Variants in MSL3 observed in about 807,000 individuals in gnomAD.
MSL3 encodes the protein MSL complex subunit 3.
Under a neutral mutation model 37.2 loss-of-function variants are expected in MSL3, and 5 were observed. The observed-to-expected ratio is 0.13, with a 90% confidence interval of 0.07 to 0.28. MSL3 has a LOEUF of 0.28. MSL3 is among the 10% of genes least tolerant of loss of function. The pLI is 1.00. For missense variants in MSL3, 315 were observed against 408.5 expected (o/e 0.77, Z 1.97); for synonymous variants, 149 against 147.6 (o/e 1.01, Z -0.07).
chrX:11,760,495 G>A lies in MSL3; in HGVS notation c.278G>A (p.Arg93His), dbSNP rs753517099. Residue 93 changes from arginine (R) to histidine (H), a missense_variant, in exon 3 of 13, where the codon CGC becomes CAC. By Grantham distance (29) the Arg-to-His change is conservative. Transcript: ENST00000312196. ...QRKLARKAVARLRSTGRKKKR... is the reference protein window; with the variant it reads ...QRKLARKAVAHLRSTGRKKKR... ...AAATTGGCAAGAAAAGCTGTAGCTCGCCTGTAAGAATACAAAAATCAAGAT... is the reference window on the plus strand; with the variant it reads ...AAATTGGCAAGAAAAGCTGTAGCTCACCTGTAAGAATACAAAAATCAAGAT... The A allele has an allele frequency of 4.2e-6, 5 of 1,177,373 alleles. No homozygotes were observed. Among genetic ancestry groups the A allele is most frequent in the Non-Finnish European group, 3.4e-6 (3 of 872,938 alleles).
chrX:11,762,040 A>G (rs998260204), intron 5 of MSL3, 90 bp from the exon 6 acceptor site: 1 of 712,859 alleles, frequency 1.4e-6, no homozygotes, highest in African/African-American at 2.3e-5. Context: ...ATTGTTGAGG[A>G]TTAGCTGGGT....
At chrX:11,760,664 C>CCTT (rs113260622) in intron 3 of MSL3, among the ~76,000 whole-genome samples, 166 bp downstream of exon 3, 25,558 of 111,045 alleles carry the variant, frequency 0.23, 2,959 homozygotes, top group African/African-American at 0.46. Context: ...TTCTAAATAA[C>CCTT]AGTGTTTTCA....
At chrX:11,772,940 T>A (rs1395372717) in intron 12 of MSL3, among the ~76,000 whole-genome samples, 1 of 111,722 alleles carries the variant, frequency 9.0e-6, no homozygotes, top group Non-Finnish European at 1.9e-5. Flanking sequence ...GAGGTGAAGT[T>A]TTTTTGTCTC....
At chrX:11,760,282 T>A (rs960196205) in intron 2 of MSL3, 121 bp from the exon 3 acceptor site, 27 of 477,237 alleles carry the variant, frequency 5.7e-5, no homozygotes, top group Non-Finnish European at 8.5e-5. Context: ...TTTGTGATTT[T>A]AAAATATTTA....
At chrX:11,770,447 G>A (rs890388499) in intron 10 of MSL3, among the ~76,000 whole-genome samples, 22 of 112,100 alleles carry the variant, frequency 2.0e-4, no homozygotes, top group African/African-American at 5.5e-4. Context: ...GTGCGAATGC[G>A]CCATCTAGTG....
intron 12 of MSL3, among the ~76,000 whole-genome samples, chrX:11,774,399 A>G (rs1167209767): frequency 9.0e-6 from 1 of 111,424 alleles, no homozygotes; most frequent in Non-Finnish European, 1.9e-5. Flanking sequence ...GGCTCACTGC[A>G]AGCTCTGCCT....
rs148402216 is a variant in MSL3 at position 11,761,862 on chromosome X, C to G, written c.466-268C>G. 8.8e-3 allele frequency among the ~76,000 whole-genome samples: 985 copies of G among 111,824 alleles called. 7 individuals are homozygous for G. Among genetic ancestry groups the G allele is most frequent in the South Asian group, 0.019 (51 of 2,686 alleles). On this transcript the variant is annotated intron_variant, in intron 5 of 12. Transcript: ENST00000312196. ...TATAATGATTAATTTTTTAATGGAGCCTACAGACTGTGATGTCTTCTGCCT... is the reference window on the plus strand; with the variant it reads ...TATAATGATTAATTTTTTAATGGAGGCTACAGACTGTGATGTCTTCTGCCT...
intron 10 of MSL3, among the ~76,000 whole-genome samples, chrX:11,771,943 A>G (rs2147252851): frequency 8.9e-6 from 1 of 112,516 alleles, no homozygotes; most frequent in South Asian, 3.7e-4. Context: ...AGTTATTTAT[A>G]GAGAATAACT....
Position 11,758,773 on chromosome X carries a change from G to A in MSL3, c.102+408G>A, listed in dbSNP as rs940803083. 3.6e-5 allele frequency: 42 copies of A among 1,164,664 alleles called. No individual in the cohort carries two copies. In the African/African-American group the frequency reaches 7.2e-4, roughly 20 times the overall value. On this transcript the variant is annotated intron_variant, in intron 1 of 12. Transcript: ENST00000312196. The stretch of plus-strand genomic sequence containing the variant: ...TGGGACGCCCTGGCCGTCCGATCCA[G>A]GTTCTAATTCATAGTTACACGGCGC...
rs758448157 is a variant in MSL3, at chrX:11,769,827, A to G, written c.1281+1145A>G. On this transcript the variant is annotated intron_variant, in intron 10 of 12. Coordinates refer to ENST00000312196, the MANE Select transcript of MSL3 (RefSeq NM_078629.4). ...TGCCATGTTGCCCAGCCTGGTCACC[A>G]ACTCCTGAGCTCAAGTGATCCTCCC... is the stretch of plus-strand genomic sequence containing the variant. Among the ~76,000 whole-genome samples the G allele has an allele frequency of 3.7e-4, 42 of 112,064 alleles. No individual in the cohort carries two copies. In the South Asian group the frequency reaches 5.5e-3, roughly 15 times the overall value.
intron 10 of MSL3, among the ~76,000 whole-genome samples, chrX:11,770,270 G>T (rs948885446): frequency 8.9e-6 from 1 of 112,061 alleles, no homozygotes; most frequent in Admixed American, 9.4e-5. Context: ...CCTAATTTGT[G>T]TTATGATGAT....
Position 11,765,515 on chromosome X carries a change from G to A in MSL3, c.957G>A (p.Thr319=), listed in dbSNP as rs200625319. The A allele has an allele frequency of 6.6e-6, 8 of 1,205,599 alleles. No homozygotes were observed. Among genetic ancestry groups the A allele is most frequent in the African/African-American group, 3.5e-5 (2 of 56,737 alleles). The change falls in exon 9 of 13, where the codon ACG becomes ACA. Residue 319 remains threonine, a synonymous_variant. Coordinates refer to ENST00000312196, the MANE Select transcript of MSL3 (RefSeq NM_078629.4). ...SPSPPLLNPS[T]PQSTESQPTT... is the part of the protein sequence containing the mutation. ...GTCCGCCTTTGTTGAATCCATCCAC[G>A]CCACAGTCCACAGAGAGTCAGCCGA...
chrX:11,768,433 A>G (rs2053204456), intron 9 of MSL3, 140 bp from the exon 10 acceptor site: 4 of 430,187 alleles, frequency 9.3e-6, no homozygotes, highest in Non-Finnish European at 1.6e-5. Flanking sequence ...TTCAGGTGCT[A>G]TCTGTTAGGA....
At chrX:11,763,262 T>C (rs2053149106) in intron 7 of MSL3, among the ~76,000 whole-genome samples, 1 of 113,184 alleles carries the variant, frequency 8.8e-6, no homozygotes, top group Non-Finnish European at 1.9e-5. Context: ...TCAGTGATAC[T>C]GTTTAGGGCG....
At position 11,775,734 on chromosome X, in the gene MSL3, G is replaced by A. The variant is rs1219192636; in HGVS notation, c.*655G>A. 1.8e-5 allele frequency: 2 copies of A among 112,761 alleles called. No homozygotes were observed. Among genetic ancestry groups the A allele is most frequent in the Non-Finnish European group, 3.7e-5 (2 of 53,336 alleles). The allele number at this position is 112,761 out of a possible 1,213,427, so 9.3% of individuals were successfully genotyped here. On this transcript the variant is annotated 3_prime_UTR_variant, in exon 13 of 13. Coordinates refer to ENST00000312196, the MANE Select transcript of MSL3 (RefSeq NM_078629.4). ...TGTTATTTTTGGTGATCTAAATAAA[G>A]CCTGTCTTGTTTGAAAGAACCAGGA...
chrX:11,774,352 C>T (rs1187644949), intron 12 of MSL3, among the ~76,000 whole-genome samples: 1 of 111,894 alleles, frequency 8.9e-6, no homozygotes. Context: ...CGGAGTCTTG[C>T]TCTGTCGCCT....
intron 8 of MSL3, among the ~76,000 whole-genome samples, chrX:11,765,205 A>G (rs2053168860): frequency 8.9e-6 from 1 of 112,247 alleles, no homozygotes; most frequent in South Asian, 3.7e-4. Context: ...GCAGCAACCA[A>G]AATTGTCTCC....
intron 5 of MSL3, 31 bp downstream of exon 5, chrX:11,761,613 T>TTTG: frequency 2.1e-6 from 2 of 957,070 alleles, no homozygotes; most frequent in East Asian, 6.4e-5. Context: ...AAACTTTCTC[T>TTTG]TTGTTATATA....
intron 4 of MSL3, chrX:11,761,139 A>G (rs1447722388): frequency 2.5e-6 from 1 of 401,033 alleles, no homozygotes; most frequent in Admixed American, 4.9e-5. Flanking sequence ...GCTTGTGACT[A>G]CTGCCCTCTC....
Sources: allele counts gnomAD v4.1 joint callset (sites outside exome capture counted in the v4.1 genomes callset), GRCh38; gene constraint gnomAD v4.1.1; transcripts MANE v1.5; gene names NCBI Gene and HGNC (gene_info 2026-07-23, HGNC 2026-07-21).